The following ADGRL3 variants were observed in gnomAD, a reference collection of about 807,000 sequenced individuals.
The protein encoded by ADGRL3 is calcium-independent alpha-latrotoxin receptor 3.
A neutral mutation model predicts 153.5 loss-of-function variants in ADGRL3; 62 were observed. The ratio of observed to expected loss-of-function variants is 0.40; its 90% confidence interval spans 0.33 to 0.50. The LOEUF is 0.50. Ranked by LOEUF, ADGRL3 falls within the 20% of genes least tolerant of loss-of-function variation. ADGRL3 has a pLI of 0.47. For synonymous variants in ADGRL3, 710 were observed against 672.5 expected, an observed-to-expected ratio of 1.06 and a Z score of -0.86; for missense variants, 1,641 against 1,859.4, an observed-to-expected ratio of 0.88 and a Z score of 2.16.
At chr4:61,224,371 C>T (rs1467070313) in intron 1 of ADGRL3, among the ~76,000 whole-genome samples, 4 of 152,074 alleles carry the variant, frequency 2.6e-5, no homozygotes, top group Non-Finnish European at 5.9e-5. Context: ...TAATAGTGAC[C>T]AGAAACATTT....
intron 25 of ADGRL3, among the ~76,000 whole-genome samples, chr4:62,063,183 G>C (rs1741119909): frequency 6.6e-6 from 1 of 151,892 alleles, no homozygotes; most frequent in Non-Finnish European, 1.5e-5. Context: ...TGAATGATTA[G>C]ATTTTGCTTT....
At chr4:61,558,271 G>A (rs1484533941) in intron 4 of ADGRL3, among the ~76,000 whole-genome samples, 6 of 149,490 alleles carry the variant, frequency 4.0e-5, no homozygotes, top group African/African-American at 7.4e-5. Flanking sequence ...CTTGAATGAA[G>A]GTTGACAGAA....
chr4:61,273,599 T>G (rs1360867271), intron 1 of ADGRL3, among the ~76,000 whole-genome samples: 1 of 152,172 alleles, frequency 6.6e-6, no homozygotes, highest in Non-Finnish European at 1.5e-5. Context: ...CATTAGAAAA[T>G]GTGCCATTTT....
chr4:61,824,795 T>C (rs2097786563), intron 9 of ADGRL3, among the ~76,000 whole-genome samples: 1 of 152,182 alleles, frequency 6.6e-6, no homozygotes, highest in Non-Finnish European at 1.5e-5. Flanking sequence ...AATTCCTACT[T>C]GACAATAGAT....
intron 11 of ADGRL3, among the ~76,000 whole-genome samples, chr4:61,899,639 G>T (rs1049439183): frequency 6.6e-6 from 1 of 152,296 alleles, no homozygotes; most frequent in South Asian, 2.1e-4. Flanking sequence ...CACTTGGACT[G>T]CTATGGTTTA....
intron 1 of ADGRL3, among the ~76,000 whole-genome samples, chr4:61,332,567 A>C (rs2095595131): frequency 6.6e-6 from 1 of 152,144 alleles, no homozygotes; most frequent in African/African-American, 2.4e-5. Flanking sequence ...TGACTCTGCT[A>C]ACAGTGTCTT....
At chr4:61,947,872 AG>A (rs2098932021) in intron 16 of ADGRL3, among the ~76,000 whole-genome samples, 1 of 152,186 alleles carries the variant, frequency 6.6e-6, no homozygotes, top group South Asian at 2.1e-4. Flanking sequence ...ATATTATTTT[AG>A]TGTTAATTTA....
intron 1 of ADGRL3, among the ~76,000 whole-genome samples, chr4:61,310,662 T>C (rs1209965781): frequency 6.6e-6 from 1 of 152,130 alleles, no homozygotes; most frequent in East Asian, 1.9e-4. Context: ...AGATACCATG[T>C]GAAAATGATG....
At chr4:61,535,878 C>G (rs1208560242) in intron 4 of ADGRL3, among the ~76,000 whole-genome samples, 3 of 151,736 alleles carry the variant, frequency 2.0e-5, no homozygotes, top group Non-Finnish European at 4.4e-5. Context: ...ATTCTTTGTA[C>G]TTTTAGGCTC....
At chr4:61,978,724 T>G (rs1455277299) in intron 17 of ADGRL3, among the ~76,000 whole-genome samples, 2 of 152,140 alleles carry the variant, frequency 1.3e-5, no homozygotes, top group African/African-American at 4.8e-5. Flanking sequence ...GACGTGGAGC[T>G]TCCTGGACTA....
intron 1 of ADGRL3, among the ~76,000 whole-genome samples, chr4:61,243,496 A>T (rs1261341053): frequency 6.6e-6 from 1 of 151,988 alleles, no homozygotes; most frequent in Non-Finnish European, 1.5e-5. Flanking sequence ...GTTTTCTAGG[A>T]TGTTTTTGTC....
chr4:61,446,078 G>A (rs1406217213), intron 2 of ADGRL3, among the ~76,000 whole-genome samples: 2 of 152,072 alleles, frequency 1.3e-5, no homozygotes, highest in Non-Finnish European at 2.9e-5. Flanking sequence ...TCGGCACAAT[G>A]ACAAAATCAT....
At chr4:61,867,505 AATATATATGCATATATATAT>A (rs1455752597) in intron 9 of ADGRL3, among the ~76,000 whole-genome samples, 8 of 35,678 alleles carry the variant, frequency 2.2e-4, no homozygotes, top group African/African-American at 3.1e-4. Context: ...GTCTCAAAAA[AATATATATGCATATATATAT>A]ATATATATAT....
chr4:61,359,426 C>T (rs541274429), intron 1 of ADGRL3, among the ~76,000 whole-genome samples: 1 of 152,286 alleles, frequency 6.6e-6, no homozygotes, highest in South Asian at 2.1e-4. Context: ...TGTTGGCTGT[C>T]TGATCCCTCC....
intron 1 of ADGRL3, among the ~76,000 whole-genome samples, chr4:61,226,263 C>A (rs2149100268): frequency 6.6e-6 from 1 of 152,162 alleles, no homozygotes; most frequent in Non-Finnish European, 1.5e-5. Context: ...TATAGTTATC[C>A]AATTGGCTGT....
intron 6 of ADGRL3, among the ~76,000 whole-genome samples, chr4:61,693,025 C>G (rs1273806870): frequency 1.3e-5 from 2 of 151,972 alleles, no homozygotes; most frequent in African/African-American, 4.8e-5. Context: ...TAATGCTTTC[C>G]TGTGTGAAAG....
At chr4:61,936,366 G>T (rs1581537539) in intron 15 of ADGRL3, among the ~76,000 whole-genome samples, 1 of 152,090 alleles carries the variant, frequency 6.6e-6, no homozygotes, top group African/African-American at 2.4e-5. Flanking sequence ...CTCTCACTGA[G>T]TTTGCAGATT....
At chr4:61,584,972 G>A (rs895922231) in intron 4 of ADGRL3, among the ~76,000 whole-genome samples, 1 of 151,926 alleles carries the variant, frequency 6.6e-6, no homozygotes, top group Non-Finnish European at 1.5e-5. Flanking sequence ...TTATTTTAGG[G>A]ACAACAGAAA....
At chr4:61,736,932 G>A (rs1208763783) in intron 8 of ADGRL3, among the ~76,000 whole-genome samples, 1 of 152,106 alleles carries the variant, frequency 6.6e-6, no homozygotes, top group Non-Finnish European at 1.5e-5. Flanking sequence ...GTTTAGAGGT[G>A]GAAAGAATAT....
Sources: allele counts gnomAD v4.1 joint callset (sites outside exome capture counted in the v4.1 genomes callset), GRCh38; gene constraint gnomAD v4.1.1; transcripts MANE v1.5; gene names NCBI Gene and HGNC (gene_info 2026-07-23, HGNC 2026-07-21).